Variants in CTNNBL1 observed in about 807,000 individuals in gnomAD.
CTNNBL1 encodes beta-catenin-like protein 1.
CTNNBL1 carries 31 observed loss-of-function variants against 72.7 expected under a neutral mutation model. That is an observed-to-expected ratio of 0.43 (90% CI 0.32 to 0.58). CTNNBL1 has a LOEUF of 0.58. CTNNBL1 is among the 20% of genes least tolerant of loss of function. The pLI is 0.08. For synonymous variants in CTNNBL1, 240 were observed against 267.3 expected, an observed-to-expected ratio of 0.90 and a Z score of 1.00; for missense variants, 534 against 725.1, an observed-to-expected ratio of 0.74 and a Z score of 3.03.
chr20:37,787,544 C>A (rs1211445381), intron 10 of CTNNBL1, among the ~76,000 whole-genome samples: 1 of 152,034 alleles, frequency 6.6e-6, no homozygotes, highest in Non-Finnish European at 1.5e-5. Flanking sequence ...CGGGGTTTCA[C>A]CGTTTTAGCC....
At chr20:37,738,216 C>T (rs1223159460) in intron 3 of CTNNBL1, among the ~76,000 whole-genome samples, 1 of 152,240 alleles carries the variant, frequency 6.6e-6, no homozygotes, top group African/African-American at 2.4e-5. Flanking sequence ...TGGTGTGATA[C>T]ACACATCCCT....
At chr20:37,815,271 G>A (rs1433259709) in intron 11 of CTNNBL1, among the ~76,000 whole-genome samples, 2 of 151,370 alleles carry the variant, frequency 1.3e-5, no homozygotes, top group Non-Finnish European at 2.9e-5. Flanking sequence ...GGTAATAGCA[G>A]TTTGGAGAGG....
intron 7 of CTNNBL1, among the ~76,000 whole-genome samples, chr20:37,770,533 C>G (rs1024548634): frequency 6.6e-6 from 1 of 151,692 alleles, no homozygotes; most frequent in African/African-American, 2.4e-5. Context: ...CTTCATTAAA[C>G]TAGAATGTCT....
intron 15 of CTNNBL1, among the ~76,000 whole-genome samples, chr20:37,868,363 G>A (rs2122881100): frequency 6.6e-6 from 1 of 152,190 alleles, no homozygotes; most frequent in South Asian, 2.1e-4. Flanking sequence ...GACTTGGGCG[G>A]GTTGCTTCAG....
intron 11 of CTNNBL1, among the ~76,000 whole-genome samples, chr20:37,838,588 G>T (rs993410969): frequency 6.6e-6 from 1 of 152,152 alleles, no homozygotes; most frequent in Non-Finnish European, 1.5e-5. Flanking sequence ...GTGTTTGGAC[G>T]TTAAGTTTAA....
At chr20:37,788,163 G>C (rs1333135126) in intron 10 of CTNNBL1, among the ~76,000 whole-genome samples, 1 of 152,120 alleles carries the variant, frequency 6.6e-6, no homozygotes, top group African/African-American at 2.4e-5. Flanking sequence ...TTTGAAGGTT[G>C]GGTGCTAGCA....
chr20:37,814,964 G>A (rs6021097), intron 11 of CTNNBL1, among the ~76,000 whole-genome samples: 7 of 152,186 alleles, frequency 4.6e-5, no homozygotes, highest in Admixed American at 2.0e-4. Flanking sequence ...TTTTTAAATT[G>A]TGAAAAAAGA....
intron 11 of CTNNBL1, among the ~76,000 whole-genome samples, chr20:37,804,122 T>A (rs187244688): frequency 6.6e-6 from 1 of 152,292 alleles, no homozygotes; most frequent in Non-Finnish European, 1.5e-5. Flanking sequence ...GGAACTGGCC[T>A]TGCAAATACT....
chr20:37,740,724 G>T (rs547855926), intron 3 of CTNNBL1, among the ~76,000 whole-genome samples: 158 of 152,300 alleles, frequency 1.0e-3, no homozygotes, highest in African/African-American at 3.6e-3. Context: ...AGCCATCAGG[G>T]CAGTGATGTC....
chr20:37,697,522 G>A (rs2072804140), intron 1 of CTNNBL1, among the ~76,000 whole-genome samples: 1 of 152,192 alleles, frequency 6.6e-6, no homozygotes, highest in Non-Finnish European at 1.5e-5. Flanking sequence ...AATGGTAAGT[G>A]ACAAAGCTGA....
intron 1 of CTNNBL1, among the ~76,000 whole-genome samples, chr20:37,718,896 T>C (rs950319855): frequency 1.3e-5 from 2 of 152,208 alleles, no homozygotes; most frequent in East Asian, 1.9e-4. Flanking sequence ...GAAAGGAGTC[T>C]TGAGGTTGTG....
chr20:37,860,225 G>A (rs6126335), intron 14 of CTNNBL1, 47 bp from the exon 15 acceptor site: 1 of 1,555,432 alleles, frequency 6.4e-7, no homozygotes, highest in Non-Finnish European at 8.9e-7. Flanking sequence ...TGGTGTGTCA[G>A]GACAAATGGT....
chr20:37,764,791 A>G (rs190785278), intron 5 of CTNNBL1, among the ~76,000 whole-genome samples: 48 of 152,206 alleles, frequency 3.2e-4, no homozygotes, highest in African/African-American at 3.1e-4. Flanking sequence ...TGGCCTAAAG[A>G]CGTGTTTTGG....
chr20:37,850,504 A>G (rs915264735), intron 13 of CTNNBL1, among the ~76,000 whole-genome samples: 1 of 97,584 alleles, frequency 1.0e-5, no homozygotes, highest in African/African-American at 3.9e-5. Context: ...ACATGTAGGC[A>G]GTCACTTGTT....
chr20:37,740,879 C>T (rs754082257), intron 3 of CTNNBL1, among the ~76,000 whole-genome samples: 1 of 152,306 alleles, frequency 6.6e-6, no homozygotes, highest in East Asian at 1.9e-4. Context: ...CCCGCTACCC[C>T]ATCCTGGGGT....
At chr20:37,719,568 G>GT (rs1054669778) in intron 1 of CTNNBL1, among the ~76,000 whole-genome samples, 6 of 152,208 alleles carry the variant, frequency 3.9e-5, no homozygotes, top group African/African-American at 1.2e-4. Flanking sequence ...TAGCTGCTTA[G>GT]TAAGGGTGCC....
At chr20:37,788,926 G>C (rs960290673) in intron 10 of CTNNBL1, among the ~76,000 whole-genome samples, 4 of 152,120 alleles carry the variant, frequency 2.6e-5, no homozygotes, top group Non-Finnish European at 5.9e-5. Context: ...TGTTCAAACT[G>C]TCTGGATTTC....
chr20:37,801,038 G>A lies in CTNNBL1; in HGVS notation c.1032-1829G>A, dbSNP rs576071495. Reference sequence around the variant, plus strand: ...GCCAGTCATTCCTTCACATGTCCTCGTTTTACTTCCTTGACACTAACCATT... The same window carrying A: ...GCCAGTCATTCCTTCACATGTCCTCATTTTACTTCCTTGACACTAACCATT... On this transcript the variant is annotated intron_variant, in intron 10 of 15. Transcript: ENST00000361383. Among the ~76,000 whole-genome samples, 5 of 152,254 alleles carry A rather than the reference G, an allele frequency of 3.3e-5. No individual in the cohort carries two copies. In the East Asian group the frequency reaches 5.8e-4, roughly 18 times the overall value.
chr20:37,705,450 C>T (rs1464720723), intron 1 of CTNNBL1, among the ~76,000 whole-genome samples: 2 of 152,120 alleles, frequency 1.3e-5, no homozygotes, highest in Admixed American at 6.5e-5. Flanking sequence ...ACGCATGCTA[C>T]AGCAACATGG....
Sources: gnomAD v4.1 joint callset for allele counts (sites outside exome capture counted in the v4.1 genomes callset) on GRCh38, gnomAD v4.1.1 for gene constraint, MANE v1.5 for transcripts, NCBI Gene and HGNC (gene_info 2026-07-23, HGNC 2026-07-21) for gene names.